MTOR: variants seen among roughly 807,000 people sequenced by gnomAD.
MTOR encodes the protein serine/threonine-protein kinase mTOR.
MTOR carries 70 observed loss-of-function variants against 319.8 expected under a neutral mutation model. The ratio of observed to expected loss-of-function variants is 0.22; its 90% confidence interval spans 0.18 to 0.27. The LOEUF is 0.27. MTOR is among the 10% of genes least tolerant of loss of function. The pLI is 1.00. For missense variants in MTOR, 1,890 were observed against 3,274.4 expected (o/e 0.58, Z 10.32); for synonymous variants, 1,183 against 1,211.4 (o/e 0.98, Z 0.49).
At position 11,121,657 on chromosome 1, in the gene MTOR, TTC is replaced by T. The variant is rs1642533481; in HGVS notation, c.6811-291_6811-290del. Among the ~76,000 whole-genome samples the T allele has an allele frequency of 6.6e-6, 1 of 152,218 alleles. No homozygotes were observed. The highest frequency in any genetic ancestry group is 6.5e-5 in the Admixed American group (1 of 15,286). ...TTTCAAGGTTTTGGAAAACAAGCAA[TTC>T]TCTTTCTTATTACTTACACATCTAC... On this transcript the variant is annotated intron_variant, in intron 48 of 57. Coordinates refer to ENST00000361445, the MANE Select transcript of MTOR (RefSeq NM_004958.4). The surrounding 1 kb of genome is among the most constrained non-coding windows in gnomAD (Gnocchi z 4.9).
intron 28 of MTOR, among the ~76,000 whole-genome samples, chr1:11,178,905 C>T (rs976529673): frequency 2.0e-5 from 3 of 152,224 alleles, no homozygotes; most frequent in Non-Finnish European, 4.4e-5. Context: ...ACCTAGTGAT[C>T]TGGCAGCTTG....
At chr1:11,150,105 T>G in intron 31 of MTOR, 21 bp downstream of exon 31, 1 of 1,596,954 alleles carries the variant, frequency 6.3e-7, no homozygotes, top group Admixed American at 1.7e-5. Context: ...CTTCACAGGG[T>G]GCCTGTGAGG....
In MTOR at chr1:11,182,967, G is replaced by C. The variant is rs116186728; in HGVS notation, c.4254-15450C>G. On this transcript the variant is annotated intron_variant, in intron 28 of 57. Transcript: ENST00000361445. ...CTGGAGCATGTGTGCTTGCACTTCTGCTGGAAAATATCTATAGCAGAATTG... is the reference window on the plus strand; with the variant it reads ...CTGGAGCATGTGTGCTTGCACTTCTCCTGGAAAATATCTATAGCAGAATTG... 2.5e-3 allele frequency among the ~76,000 whole-genome samples: 388 copies of C among 152,282 alleles called. 2 individuals are homozygous for C. The highest frequency in any genetic ancestry group is 7.9e-3 in the African/African-American group (330 of 41,548).
intron 7 of MTOR, 40 bp from the exon 8 acceptor site, chr1:11,247,773 A>G: frequency 6.2e-7 from 1 of 1,613,620 alleles, no homozygotes; most frequent in Non-Finnish European, 8.5e-7. Flanking sequence ...GGGAAAAGTG[A>G]GGTGTGGAGC....
Position 11,128,465 on chromosome 1 carries a change from A to G in MTOR, c.5899T>C (p.Tyr1967His). Residue 1967 changes from tyrosine to histidine, a missense_variant, in exon 42 of 58, where the codon TAC (tyrosine) becomes CAC (histidine). Tyr to His is a moderately conservative substitution (Grantham distance 83). Around this residue, in one of 15 missense-constraint regions of MTOR, gnomAD observed 249 missense variants for 596.2 expected, o/e 0.42. Coordinates refer to ENST00000361445, the MANE Select transcript of MTOR (RefSeq NM_004958.4). The surrounding 1 kb of genome is among the most constrained non-coding windows in gnomAD (Gnocchi z 5.3). The part of the protein sequence containing the change: ...IHQLLTDIGR[Y>H]HPQALIYPLT... ...GAGTCTCCACATACCTGGGGGTGGT[A>G]CCGACCAATGTCTGTGAGAAGCTGG... 3 of 1,614,166 alleles carry G rather than the reference A, an allele frequency of 1.9e-6. No individual in the cohort carries two copies. The highest frequency in any genetic ancestry group is 2.5e-6 in the Non-Finnish European group (3 of 1,180,002).
intron 5 of MTOR, among the ~76,000 whole-genome samples, chr1:11,255,382 C>CCAAA (rs1650243159): frequency 1.0e-5 from 1 of 98,236 alleles, no homozygotes; most frequent in Admixed American, 9.7e-5. Flanking sequence ...ACTCCATCTC[C>CCAAA]AAAAAAAAAA....
At chr1:11,245,624 C>T (rs1009973331) in intron 8 of MTOR, among the ~76,000 whole-genome samples, 1 of 152,134 alleles carries the variant, frequency 6.6e-6, no homozygotes, top group African/African-American at 2.4e-5. Context: ...CCTGGCAAGG[C>T]GCCACAGCTC....
chr1:11,242,995 G>T, intron 9 of MTOR, 119 bp downstream of exon 9: 1 of 958,462 alleles, frequency 1.0e-6, no homozygotes, highest in Non-Finnish European at 1.6e-6. Flanking sequence ...CATATGATTT[G>T]CTATACCCTG....
At chr1:11,203,241 AAACC>A (rs1265459127) in intron 26 of MTOR, among the ~76,000 whole-genome samples, 1 of 151,264 alleles carries the variant, frequency 6.6e-6, no homozygotes, top group Non-Finnish European at 1.5e-5. Flanking sequence ...GAAAACAAAA[AAACC>A]AACCAAACAA....
intron 28 of MTOR, chr1:11,194,616 G>T: frequency 6.2e-7 from 1 of 1,614,164 alleles, no homozygotes; most frequent in Non-Finnish European, 8.5e-7. Flanking sequence ...CCAAGGACAA[G>T]GACAATGACA....
chr1:11,171,156 C>T (rs1487494836), intron 28 of MTOR, among the ~76,000 whole-genome samples: 1 of 149,600 alleles, frequency 6.7e-6, no homozygotes, highest in East Asian at 2.0e-4. Context: ...GATTATGCCA[C>T]TGCACTCCAG....
chr1:11,149,270 G>A (rs1644052469), intron 31 of MTOR: 1 of 152,154 alleles, frequency 6.6e-6, no homozygotes, highest in Non-Finnish European at 1.5e-5. Flanking sequence ...CCCCTTCCAG[G>A]ATGGGGCTGG....
intron 57 of MTOR, 131 bp from the exon 58 acceptor site, chr1:11,107,631 T>C (rs1338845552): frequency 9.8e-6 from 9 of 916,174 alleles, no homozygotes; most frequent in African/African-American, 6.8e-5. Context: ...CCACAGCTAA[T>C]TGCATGGGAC....
intron 34 of MTOR, among the ~76,000 whole-genome samples, chr1:11,141,094 C>T (rs1643679243): frequency 6.6e-6 from 1 of 151,266 alleles, no homozygotes; most frequent in Admixed American, 6.6e-5. Context: ...AGGGGAAATG[C>T]TTCATTTAGT....
At chr1:11,230,153 G>C (rs1646970108) in intron 18 of MTOR, among the ~76,000 whole-genome samples, 1 of 151,248 alleles carries the variant, frequency 6.6e-6, no homozygotes, top group African/African-American at 2.4e-5. Context: ...AGGCACAGTG[G>C]CTCATGCCTG....
At chr1:11,203,578 G>C (rs1020487137) in intron 26 of MTOR, among the ~76,000 whole-genome samples, 2 of 152,076 alleles carry the variant, frequency 1.3e-5, no homozygotes, top group Non-Finnish European at 2.9e-5. Flanking sequence ...GGAGGCTGAG[G>C]CAGGAGAATC....
chr1:11,210,173 T>C (rs1646264418), intron 24 of MTOR, among the ~76,000 whole-genome samples: 1 of 152,072 alleles, frequency 6.6e-6, no homozygotes, highest in African/African-American at 2.4e-5. Flanking sequence ...TAGCCTTTAA[T>C]CTACTTTGAG....
At chr1:11,204,244 G>A (rs1646068630) in intron 26 of MTOR, among the ~76,000 whole-genome samples, 1 of 152,130 alleles carries the variant, frequency 6.6e-6, no homozygotes, top group African/African-American at 2.4e-5. Context: ...GTAACAAACA[G>A]CAATAATTAG....
At chr1:11,162,279 T>G (rs906693795) in intron 29 of MTOR, among the ~76,000 whole-genome samples, 2 of 152,326 alleles carry the variant, frequency 1.3e-5, no homozygotes, top group South Asian at 4.1e-4. Context: ...TATGGGACTA[T>G]GTGAAAAGAC....
Sources: allele counts gnomAD v4.1 joint callset (sites outside exome capture counted in the v4.1 genomes callset), GRCh38; gene constraint gnomAD v4.1.1; regional missense constraint gnomAD v4.1.1; non-coding constraint Gnocchi (gnomAD v3.1); transcripts MANE v1.5; gene names NCBI Gene and HGNC (gene_info 2026-07-23, HGNC 2026-07-21).